The following TPST1 variants were observed in gnomAD, a reference collection of about 807,000 sequenced individuals.
TPST1 encodes the protein tyrosylprotein sulfotransferase 1, also known as protein-tyrosine sulfotransferase 1.
A neutral mutation model predicts 34.8 loss-of-function variants in TPST1; 20 were observed. That is an observed-to-expected ratio of 0.57 (90% CI 0.40 to 0.84). TPST1 has a LOEUF of 0.84. Among genes scored for constraint, TPST1 ranks in the 40% least tolerant of loss-of-function variants. TPST1 has a pLI of 0.00. For missense variants in TPST1, 353 were observed against 455.5 expected, an observed-to-expected ratio of 0.78 and a Z score of 2.05; for synonymous variants, 152 against 159.4, an observed-to-expected ratio of 0.95 and a Z score of 0.35.
chr7:66,340,972 C>T (rs1196451986), intron 3 of TPST1, among the ~76,000 whole-genome samples: 3 of 152,136 alleles, frequency 2.0e-5, no homozygotes, highest in African/African-American at 7.2e-5. Flanking sequence ...GATCATGCCA[C>T]TGCACTCCAG....
chr7:66,311,831 C>T (rs1290449162), intron 3 of TPST1, among the ~76,000 whole-genome samples: 4 of 152,164 alleles, frequency 2.6e-5, no homozygotes, highest in Non-Finnish European at 4.4e-5. Context: ...CTGAGACTAC[C>T]CCACAGGAAT....
chr7:66,275,943 A>G (rs1187982861), intron 2 of TPST1, among the ~76,000 whole-genome samples: 1 of 152,104 alleles, frequency 6.6e-6, no homozygotes, highest in East Asian at 1.9e-4. Context: ...TTCACCATGT[A>G]TACATATTTT....
intron 3 of TPST1, among the ~76,000 whole-genome samples, chr7:66,349,727 C>T (rs1792431760): frequency 6.6e-6 from 1 of 152,136 alleles, no homozygotes; most frequent in African/African-American, 2.4e-5. Flanking sequence ...GTGTATGCCC[C>T]TGGGGCCTGG....
At chr7:66,209,021 G>A (rs907765829) in intron 1 of TPST1, among the ~76,000 whole-genome samples, 6 of 152,030 alleles carry the variant, frequency 3.9e-5, no homozygotes, top group Admixed American at 6.6e-5. Context: ...GGTGGCTCAC[G>A]CCTGTAATCC....
rs561637375 is a variant in TPST1 at position 66,350,385 on chromosome 7, A to G, written c.1045-2120A>G. Among the ~76,000 whole-genome samples, 9 of 152,210 alleles carry G rather than the reference A, an allele frequency of 5.9e-5. No homozygotes were observed. In the South Asian group the frequency reaches 1.9e-3, roughly 32 times the overall value. ...CAGCCCCCATTGACTGGGGGAGATG[A>G]TGGTAGCTTTGAGACACTCCTAGCA... On this transcript the variant is annotated intron_variant, in intron 3 of 5. Coordinates refer to ENST00000304842, the MANE Select transcript of TPST1 (RefSeq NM_003596.4).
rs199518226 is a variant in TPST1, at chr7:66,253,370, C to CTT, written c.845+12117_845+12118dup. ...ATTATTCTTTTAGTGAGATCGCTTT[C>CTT]TTTTTTTTTTTTTTTTTTGAGACAG... On this transcript the variant is annotated intron_variant, in intron 2 of 5. Coordinates refer to ENST00000304842, the MANE Select transcript of TPST1 (RefSeq NM_003596.4). Among the ~76,000 whole-genome samples the CTT allele has an allele frequency of 3.7e-4, 48 of 130,158 alleles. 1 individual carries two copies. The highest frequency in any genetic ancestry group is 1.9e-3 in the Admixed American group (25 of 12,932). 85.4% of individuals were successfully genotyped at this position (130,158 alleles called of 152,430 possible).
intron 3 of TPST1, among the ~76,000 whole-genome samples, chr7:66,330,687 TC>T (rs1375858263): frequency 6.6e-6 from 1 of 152,136 alleles, no homozygotes; most frequent in African/African-American, 2.4e-5. Context: ...CAATCTAAAA[TC>T]TACCAACTAT....
Position 66,347,059 on chromosome 7 carries a change from C to CTTTTTTTTTTTTTTTTTTTTTTTTTT in TPST1, c.1045-5445_1045-5420dup, listed in dbSNP as rs71051352. Among the ~76,000 whole-genome samples, 10 of 59,960 alleles carry CTTTTTTTTTTTTTTTTTTTTTTTTTT rather than the reference C, an allele frequency of 1.7e-4. 3 individuals carry two copies. Among genetic ancestry groups the CTTTTTTTTTTTTTTTTTTTTTTTTTT allele is most frequent in the Non-Finnish European group, 2.0e-4 (7 of 34,230 alleles). The allele number at this position is 59,960 out of a possible 152,430, so 39.3% of individuals were successfully genotyped here. The stretch of plus-strand genomic sequence containing the variant: ...TTTCTTCTTTTTTTCCTTTGCTTTT[C>CTTTTTTTTTTTTTTTTTTTTTTTTTT]TTTTTTTTTTTTTTTTTTTTTTTTT... On this transcript the variant is annotated intron_variant, in intron 3 of 5. Transcript: ENST00000304842.
intron 1 of TPST1, among the ~76,000 whole-genome samples, chr7:66,230,180 T>C (rs1282384647): frequency 6.6e-6 from 1 of 151,506 alleles, no homozygotes; most frequent in Non-Finnish European, 1.5e-5. Context: ...AGTGCAAGAC[T>C]CTGTCTCAAA....
At chr7:66,215,175 C>T (rs1252851111) in intron 1 of TPST1, among the ~76,000 whole-genome samples, 9 of 149,322 alleles carry the variant, frequency 6.0e-5, no homozygotes, top group African/African-American at 2.2e-4. Flanking sequence ...CTGCCTCAGC[C>T]TCCTGAGTAG....
At chr7:66,292,821 C>T (rs1791111785) in intron 3 of TPST1, among the ~76,000 whole-genome samples, 1 of 151,490 alleles carries the variant, frequency 6.6e-6, no homozygotes. Flanking sequence ...CCGTCTTCTG[C>T]GTCGCTCACG....
chr7:66,203,202 C>T (rs1163676463), upstream of TPST1, among the ~76,000 whole-genome samples: 2 of 151,610 alleles, frequency 1.3e-5, no homozygotes, highest in African/African-American at 4.9e-5. Context: ...CACATATACA[C>T]ACAAACACAC....
intron 2 of TPST1, among the ~76,000 whole-genome samples, chr7:66,258,161 C>T (rs2115687096): frequency 6.6e-6 from 1 of 152,050 alleles, no homozygotes; most frequent in South Asian, 2.1e-4. Flanking sequence ...TATAGTTATG[C>T]TTCCCTTACA....
chr7:66,227,857 T>G (rs1015633602), intron 1 of TPST1, among the ~76,000 whole-genome samples: 2 of 152,138 alleles, frequency 1.3e-5, no homozygotes, highest in African/African-American at 4.8e-5. Flanking sequence ...AAAATTTAGT[T>G]TAAGAAAACA....
intron 3 of TPST1, among the ~76,000 whole-genome samples, chr7:66,319,687 C>T (rs916510156): frequency 6.6e-6 from 1 of 152,120 alleles, no homozygotes; most frequent in Non-Finnish European, 1.5e-5. Context: ...TATTTTTCAC[C>T]TAATATATTT....
intron 4 of TPST1, among the ~76,000 whole-genome samples, chr7:66,353,842 C>G (rs1792529659): frequency 6.6e-6 from 1 of 152,162 alleles, no homozygotes; most frequent in South Asian, 2.1e-4. Flanking sequence ...TGTGTGAAGT[C>G]CAGTTGCCTG....
chr7:66,349,567 G>A (rs1018374234), intron 3 of TPST1, among the ~76,000 whole-genome samples: 2 of 151,812 alleles, frequency 1.3e-5, no homozygotes, highest in Admixed American at 6.6e-5. Context: ...GCGAAACTCC[G>A]TCTCAAAACA....
chr7:66,278,474 CA>C (rs953572649), intron 2 of TPST1, among the ~76,000 whole-genome samples: 1 of 151,906 alleles, frequency 6.6e-6, no homozygotes, highest in African/African-American at 2.4e-5. Context: ...AGTCCCATGA[CA>C]GCATGAGGTA....
At chr7:66,339,511 G>GGGCAACATT (rs1322321115) in intron 3 of TPST1, among the ~76,000 whole-genome samples, 1 of 151,958 alleles carries the variant, frequency 6.6e-6, no homozygotes. Context: ...CATTCTACAA[G>GGGCAACATT]GGCAACATTA....
Sources: gnomAD v4.1 joint callset for allele counts (sites outside exome capture counted in the v4.1 genomes callset) on GRCh38, gnomAD v4.1.1 for gene constraint, MANE v1.5 for transcripts, NCBI Gene and HGNC (gene_info 2026-07-23, HGNC 2026-07-21) for gene names.